Variants in IL20RA observed in about 807,000 individuals in gnomAD.
The protein encoded by IL20RA is interleukin-20 receptor subunit alpha.
Under a neutral mutation model 36.5 loss-of-function variants are expected in IL20RA, and 29 were observed. The observed-to-expected ratio is 0.79, with a 90% confidence interval of 0.59 to 1.08. The LOEUF (loss-of-function observed/expected upper bound fraction) is 1.08, where lower values mean the gene tolerates loss of function less well. Ranked by LOEUF, IL20RA falls within the 50% of genes least tolerant of loss-of-function variation. IL20RA has a pLI of 0.00. For synonymous variants in IL20RA, 279 were observed against 267.1 expected (o/e 1.04, Z -0.43); for missense variants, 652 against 668.4 (o/e 0.98, Z 0.27).
intron 1 of IL20RA, among the ~76,000 whole-genome samples, chr6:137,028,414 TAA>T (rs36068116): frequency 0.024 from 2,780 of 117,276 alleles, 41 homozygotes; most frequent in Admixed American, 0.053. Flanking sequence ...AGACTCCATC[TAA>T]AAAAAAAAAA....
At chr6:137,020,687 T>TA (rs1775865624) in intron 1 of IL20RA, among the ~76,000 whole-genome samples, 1 of 152,138 alleles carries the variant, frequency 6.6e-6, no homozygotes, top group African/African-American at 2.4e-5. Context: ...AATTTTTTTT[T>TA]AAAAAACAAA....
chr6:137,012,150 A>C (rs1775523864), intron 2 of IL20RA, among the ~76,000 whole-genome samples: 1 of 152,148 alleles, frequency 6.6e-6, no homozygotes, highest in Non-Finnish European at 1.5e-5. Context: ...CAGGGGAGGC[A>C]GTTTGGGAAA....
chr6:137,031,683 G>A (rs1186653987), intron 1 of IL20RA, among the ~76,000 whole-genome samples: 1 of 152,170 alleles, frequency 6.6e-6, no homozygotes, highest in Non-Finnish European at 1.5e-5. Flanking sequence ...ATCATCAAGT[G>A]ATGCTTCACT....
chr6:137,021,832 T>G (rs2115396021), intron 1 of IL20RA, among the ~76,000 whole-genome samples: 1 of 151,952 alleles, frequency 6.6e-6, no homozygotes, highest in East Asian at 1.9e-4. Context: ...ACTTACTAAA[T>G]CCTTACCACA....
At chr6:137,033,338 T>G (rs1776364607) in intron 1 of IL20RA, among the ~76,000 whole-genome samples, 1 of 152,196 alleles carries the variant, frequency 6.6e-6, no homozygotes, top group African/African-American at 2.4e-5. Context: ...TCATGAAATC[T>G]TATATAGTTT....
intron 1 of IL20RA, chr6:137,044,353 C>A (rs1476648367): frequency 9.4e-7 from 1 of 1,065,010 alleles, no homozygotes; most frequent in Non-Finnish European, 1.1e-6. Context: ...GCGCACCCCC[C>A]ACCGAACTCC....
chr6:137,039,811 G>A (rs1582843582), intron 1 of IL20RA, among the ~76,000 whole-genome samples: 1 of 152,172 alleles, frequency 6.6e-6, no homozygotes, highest in Non-Finnish European at 1.5e-5. Context: ...TATAAGCACA[G>A]TAATATTTCA....
At chr6:137,041,566 T>C (rs2115431828) in intron 1 of IL20RA, among the ~76,000 whole-genome samples, 1 of 152,302 alleles carries the variant, frequency 6.6e-6, no homozygotes, top group Admixed American at 6.5e-5. Context: ...TGTGTGTGTG[T>C]GAGTGAAGTA....
At chr6:137,026,450 C>A (rs1267493688) in intron 1 of IL20RA, among the ~76,000 whole-genome samples, 2 of 152,222 alleles carry the variant, frequency 1.3e-5, no homozygotes, top group Non-Finnish European at 2.9e-5. Context: ...AGGATCTGCA[C>A]AGTCAGAAGA....
intron 1 of IL20RA, among the ~76,000 whole-genome samples, chr6:137,022,056 T>G (rs898856751): frequency 3.3e-5 from 5 of 152,164 alleles, no homozygotes; most frequent in African/African-American, 1.2e-4. Flanking sequence ...ATGCCAGCGT[T>G]GTAAACCAAG....
intron 1 of IL20RA, among the ~76,000 whole-genome samples, chr6:137,030,844 T>G (rs1776252324): frequency 6.6e-6 from 1 of 152,194 alleles, no homozygotes; most frequent in Admixed American, 6.5e-5. Flanking sequence ...CGTAGTAACT[T>G]TTCAATTTGC....
chr6:137,014,388 T>A (rs1775600992), intron 2 of IL20RA, among the ~76,000 whole-genome samples: 1 of 152,188 alleles, frequency 6.6e-6, no homozygotes, highest in Non-Finnish European at 1.5e-5. Flanking sequence ...TGCTTCTGTA[T>A]AAACAGAAGG....
intron 3 of IL20RA, among the ~76,000 whole-genome samples, 172 bp downstream of exon 3, chr6:137,011,102 G>T (rs1386325962): frequency 6.6e-6 from 1 of 152,086 alleles, no homozygotes; most frequent in Non-Finnish European, 1.5e-5. Flanking sequence ...CAATCAAGGT[G>T]AGACTCAGAG....
At chr6:137,019,814 T>C (rs1225610787) in intron 1 of IL20RA, among the ~76,000 whole-genome samples, 1 of 152,244 alleles carries the variant, frequency 6.6e-6, no homozygotes, top group Non-Finnish European at 1.5e-5. Context: ...TGCCATTCTA[T>C]TCTTTGAGAA....
intron 5 of IL20RA, among the ~76,000 whole-genome samples, chr6:137,007,739 G>C (rs1042889612): frequency 3.3e-5 from 5 of 152,114 alleles, no homozygotes; most frequent in Admixed American, 2.6e-4. Flanking sequence ...GAAATAGAGA[G>C]AAGCAACTGT....
At chr6:137,033,129 T>A (rs977129580) in intron 1 of IL20RA, among the ~76,000 whole-genome samples, 5 of 151,988 alleles carry the variant, frequency 3.3e-5, no homozygotes, top group African/African-American at 1.2e-4. Flanking sequence ...TATCAAGGAG[T>A]CAGCAGGGCC....
chr6:137,038,081 G>A (rs1776550335), intron 1 of IL20RA: 1 of 152,144 alleles, frequency 6.6e-6, no homozygotes, highest in Admixed American at 6.6e-5. Flanking sequence ...CAGCTGGGTG[G>A]GGTGACTTTT....
chr6:137,017,246 G>A lies in IL20RA; in HGVS notation c.89-143C>T, dbSNP rs1562234878. The A allele has an allele frequency of 7.7e-5, 51 of 658,460 alleles. No individual in the cohort carries two copies. In the East Asian group the frequency reaches 1.4e-3, roughly 18 times the overall value. The allele number at this position is 658,460 out of a possible 1,614,324, so 40.8% of individuals were successfully genotyped here. On this transcript the variant is annotated intron_variant, in intron 1 of 6. Coordinates refer to ENST00000316649, the MANE Select transcript of IL20RA (RefSeq NM_014432.4). ...TGTAACATCTCTGAAATGGAAAAGAGAATGTGGCAGAGGTGGCTCTGGGAC... is the reference window on the plus strand; with the variant it reads ...TGTAACATCTCTGAAATGGAAAAGAAAATGTGGCAGAGGTGGCTCTGGGAC...
chr6:137,030,273 C>T (rs276503), intron 1 of IL20RA, among the ~76,000 whole-genome samples: 29,180 of 151,304 alleles, frequency 0.19, 3,045 homozygotes, highest in Middle Eastern at 0.27. Flanking sequence ...TTTGTAGAGA[C>T]GGGGTCTCAT....
Sources: gnomAD v4.1 joint callset for allele counts (sites outside exome capture counted in the v4.1 genomes callset) on GRCh38, gnomAD v4.1.1 for gene constraint, MANE v1.5 for transcripts, NCBI Gene and HGNC (gene_info 2026-07-23, HGNC 2026-07-21) for gene names.